Variants in TFCP2 observed in about 807,000 individuals in gnomAD.
The protein encoded by TFCP2 is transcription factor CP2.
TFCP2 carries 33 observed loss-of-function variants against 73.4 expected under a neutral mutation model. That is an observed-to-expected ratio of 0.45 (90% confidence interval 0.34 to 0.60). The LOEUF (loss-of-function observed/expected upper bound fraction) is 0.60. TFCP2 is among the 20% of genes least tolerant of loss of function. The pLI is 0.01. For missense variants in TFCP2, 352 were observed against 604.0 expected (o/e 0.58, Z 4.37); for synonymous variants, 193 against 211.6 (o/e 0.91, Z 0.76).
intron 1 of TFCP2, among the ~76,000 whole-genome samples, chr12:51,170,243 C>A (rs939577454): frequency 2.6e-5 from 4 of 151,994 alleles, no homozygotes; most frequent in African/African-American, 7.3e-5. Flanking sequence ...AAGAACACTG[C>A]ATGATAGAAC....
intron 1 of TFCP2, among the ~76,000 whole-genome samples, chr12:51,164,573 G>A (rs1035609838): frequency 6.7e-6 from 1 of 149,520 alleles, no homozygotes; most frequent in African/African-American, 2.5e-5. Context: ...CTCCAGCCTG[G>A]GTGACACAGC....
intron 1 of TFCP2, among the ~76,000 whole-genome samples, chr12:51,136,660 G>A (rs1235063504): frequency 1.3e-5 from 2 of 152,156 alleles, no homozygotes; most frequent in African/African-American, 4.8e-5. Context: ...CATAGGCTGG[G>A]CACTGTGGTT....
intron 1 of TFCP2, among the ~76,000 whole-genome samples, chr12:51,130,194 G>A (rs923058747): frequency 3.3e-5 from 5 of 151,862 alleles, no homozygotes; most frequent in South Asian, 2.1e-4. Context: ...GCTGTTGGCC[G>A]GGCGCAGTGG....
At chr12:51,135,642 T>C (rs534116829) in intron 1 of TFCP2, among the ~76,000 whole-genome samples, 1 of 152,230 alleles carries the variant, frequency 6.6e-6, no homozygotes, top group African/African-American at 2.4e-5. Context: ...CCATATCCCA[T>C]GTCAACTAAA....
intron 1 of TFCP2, among the ~76,000 whole-genome samples, chr12:51,156,006 C>T (rs187885911): frequency 2.7e-5 from 4 of 149,824 alleles, no homozygotes; most frequent in African/African-American, 4.9e-5. Context: ...TGCACCACTG[C>T]ACTCCAGCCT....
intron 1 of TFCP2, among the ~76,000 whole-genome samples, chr12:51,161,863 C>A (rs1941657641): frequency 6.9e-6 from 1 of 145,952 alleles, no homozygotes; most frequent in African/African-American, 2.5e-5. Flanking sequence ...TAAATATGCT[C>A]AGAGAGTTGA....
At chr12:51,103,602 A>T in intron 10 of TFCP2, 68 bp downstream of exon 10, 9 of 1,194,322 alleles carry the variant, frequency 7.5e-6, no homozygotes. Flanking sequence ...TCCCATGGAT[A>T]CCAGGAGGCC....
rs563295730 is a variant in TFCP2, at chr12:51,124,637, G to A, written c.123-5865C>T. On this transcript the variant is annotated intron_variant, in intron 1 of 14. Transcript: ENST00000257915. ...CCCGCCGGCAGGTAGGTCATGTTCC[G>A]AGAGCCTCCGCGGCTTCCAACTTGC... 32 of 557,370 alleles carry A rather than the reference G, an allele frequency of 5.7e-5. No individual in the cohort carries two copies. The Admixed American group carries it at 6.2e-4, about 11-fold the overall frequency. The allele number at this position is 557,370 out of a possible 1,614,324, so 34.5% of individuals were successfully genotyped here. A position where few individuals can be genotyped will look rare whatever the true frequency, so the allele number is the denominator to read the frequency against.
At chr12:51,146,848 C>G (rs1207010452) in intron 1 of TFCP2, among the ~76,000 whole-genome samples, 4 of 152,174 alleles carry the variant, frequency 2.6e-5, no homozygotes, top group Non-Finnish European at 4.4e-5. Context: ...GTCTTATCTT[C>G]TCCATCAAAT....
At chr12:51,147,793 T>C (rs1411819558) in intron 1 of TFCP2, among the ~76,000 whole-genome samples, 14 of 151,936 alleles carry the variant, frequency 9.2e-5, no homozygotes, top group Non-Finnish European at 2.1e-4. Context: ...GATAAACAGA[T>C]GAGACTTAAT....
intron 9 of TFCP2, 194 bp from the exon 10 acceptor site, chr12:51,103,957 A>G (rs1355195517): frequency 4.3e-6 from 3 of 699,194 alleles, no homozygotes; most frequent in East Asian, 2.7e-5. Context: ...AAGCTGCTCA[A>G]ATGGAAAGGT....
intron 1 of TFCP2, among the ~76,000 whole-genome samples, chr12:51,168,071 AAAT>A (rs1941790355): frequency 7.2e-6 from 1 of 138,326 alleles, no homozygotes; most frequent in African/African-American, 2.7e-5. Flanking sequence ...CCAAAAACAT[AAAT>A]AATAAGACAA....
chr12:51,114,268 G>A (rs1040073407), intron 4 of TFCP2, among the ~76,000 whole-genome samples: 13 of 152,094 alleles, frequency 8.5e-5, no homozygotes, highest in African/African-American at 2.7e-4. Context: ...AATCCAATTC[G>A]ATAGTGGGCA....
At position 51,128,498 on chromosome 12, in the gene TFCP2, A is replaced by AAAC. The variant is rs1566214538; in HGVS notation, c.123-9727_123-9726insGTT. On this transcript the variant is annotated intron_variant, in intron 1 of 14. Transcript: ENST00000257915. Reference sequence around the variant, plus strand: ...AATAATAAAAAAAAAAAAAACAAAAAAAACAAACTAGTATTGGGAACATCT... The same window carrying AAAC: ...AATAATAAAAAAAAAAAAAACAAAAAAACAAACAAACTAGTATTGGGAACATCT... 8.9e-4 allele frequency among the ~76,000 whole-genome samples: 132 copies of AAAC among 149,028 alleles called. 3 individuals are homozygous for AAAC. The highest frequency in any genetic ancestry group is 1.7e-3 in the South Asian group (8 of 4,682).
chr12:51,109,715 A>G (rs76433713), intron 5 of TFCP2, among the ~76,000 whole-genome samples: 11 of 135,226 alleles, frequency 8.1e-5, no homozygotes, highest in Non-Finnish European at 1.6e-4. Flanking sequence ...AGATTGGTGA[A>G]TTTTTTTTTT....
At chr12:51,166,187 T>C (rs1941754826) in intron 1 of TFCP2, among the ~76,000 whole-genome samples, 1 of 151,526 alleles carries the variant, frequency 6.6e-6, no homozygotes, top group African/African-American at 2.4e-5. Flanking sequence ...TGGTGGTATG[T>C]GCCTGTAATC....
Position 51,099,704 on chromosome 12 carries a change from CTGCTGCTGTTGT to C in TFCP2, c.1215_1226del (p.Gln410_Gln413del). 2 of 1,614,152 alleles carry C rather than the reference CTGCTGCTGTTGT, an allele frequency of 1.2e-6. No individual in the cohort carries two copies. Among genetic ancestry groups the C allele is most frequent in the Non-Finnish European group, 1.7e-6 (2 of 1,180,020 alleles). ...CATCCTCATGCTTCTGCTGCTGTTGCTGCTGCTGTTGTTGCTGCTCCCTCAACTGCAGTGATT... is the reference window on the plus strand; with the variant it reads ...CATCCTCATGCTTCTGCTGCTGTTGCTGCTGCTCCCTCAACTGCAGTGATT... On this transcript the variant is annotated inframe_deletion, in exon 12 of 15. Transcript: ENST00000257915.
chr12:51,106,888 C>G lies in TFCP2; in HGVS notation c.829-275G>C, dbSNP rs77859911. 212 of 490,664 alleles carry G rather than the reference C, an allele frequency of 4.3e-4. 1 individual carries two copies. The highest frequency in any genetic ancestry group is 3.9e-3 in the African/African-American group (195 of 50,470). 30.4% of individuals were successfully genotyped at this position (490,664 alleles called of 1,614,324 possible). A position where few individuals can be genotyped will look rare whatever the true frequency, so the allele number is the denominator to read the frequency against. ...GTGGGTTCCAGAACCAAAGGCAGCA[C>G]ACAGCTCTTCCTAAAATTGAAGGTG... On this transcript the variant is annotated intron_variant, in intron 7 of 14. Transcript: ENST00000257915.
intron 1 of TFCP2, among the ~76,000 whole-genome samples, chr12:51,128,836 G>T (rs192374760): frequency 6.6e-6 from 1 of 152,112 alleles, no homozygotes; most frequent in South Asian, 2.1e-4. Flanking sequence ...AAAGGAGGAC[G>T]ATCAAATGTG....
Sources: allele counts gnomAD v4.1 joint callset (sites outside exome capture counted in the v4.1 genomes callset), GRCh38; gene constraint gnomAD v4.1.1; transcripts MANE v1.5; gene names NCBI Gene and HGNC (gene_info 2026-07-23, HGNC 2026-07-21).